Variants in CYP3A43 observed in about 807,000 individuals in gnomAD.
CYP3A43 encodes cytochrome P450 family 3 subfamily A member 43, also known as cytochrome P450 3A43.
A neutral mutation model predicts 58.0 loss-of-function variants in CYP3A43; 45 were observed. The ratio of observed to expected loss-of-function variants is 0.78; its 90% CI spans 0.61 to 0.99. The LOEUF (loss-of-function observed/expected upper bound fraction) is 0.99, where lower values mean the gene tolerates loss of function less well. CYP3A43 is among the 50% of genes least tolerant of loss of function. The probability of loss-of-function intolerance (pLI) is 0.00; values close to 1 mark genes in which losing one functional copy is unlikely to be tolerated. For synonymous variants in CYP3A43, 191 were observed against 201.4 expected (o/e 0.95, Z 0.44); for missense variants, 593 against 591.9 (o/e 1.00, Z -0.02).
At chr7:99,847,842 A>G (rs1006925600) in intron 5 of CYP3A43, 1 of 532,902 alleles carries the variant, frequency 1.9e-6, no homozygotes, top group South Asian at 2.0e-5. Context: ...TGAAACCCCA[A>G]CTCTACTAAA....
At chr7:99,860,609 T>TTCTTTA (rs1205008885) in intron 10 of CYP3A43, among the ~76,000 whole-genome samples, 1 of 152,234 alleles carries the variant, frequency 6.6e-6, no homozygotes, top group African/African-American at 2.4e-5. Context: ...AGATCTGGCC[T>TTCTTTA]TGGGGCTGGC....
At chr7:99,861,564 A>T (rs749860560) in intron 10 of CYP3A43, 49 bp from the exon 11 acceptor site, 8 of 1,545,962 alleles carry the variant, frequency 5.2e-6, no homozygotes, top group Non-Finnish European at 7.1e-6. Context: ...ACTAAGTTGA[A>T]AGTTAATTCC....
At chr7:99,838,920 C>A (rs1584204835) in intron 2 of CYP3A43, 200 bp from the exon 3 acceptor site, 1 of 636,072 alleles carries the variant, frequency 1.6e-6, no homozygotes, top group East Asian at 3.1e-5. Flanking sequence ...GCAGAGGTTG[C>A]AATGAGCCAA....
At chr7:99,862,742 T>G (rs768779718) in intron 11 of CYP3A43, among the ~76,000 whole-genome samples, 2 of 152,230 alleles carry the variant, frequency 1.3e-5, no homozygotes, top group African/African-American at 2.4e-5. Flanking sequence ...AACTTCCCAA[T>G]GGCAGGGACC....
intron 7 of CYP3A43, 136 bp from the exon 8 acceptor site, chr7:99,855,455 G>C: frequency 8.5e-7 from 1 of 1,171,952 alleles, no homozygotes. Flanking sequence ...AGGAAGAGGG[G>C]CAAAGGTCAT....
In CYP3A43 at chr7:99,843,179, G is replaced by A. The variant is rs1199025284; in HGVS notation, c.219-964G>A. 2.6e-5 allele frequency among the ~76,000 whole-genome samples: 4 copies of A among 152,004 alleles called. No homozygotes were observed. In the East Asian group the frequency reaches 7.7e-4, roughly 29 times the overall value. On this transcript the variant is annotated intron_variant, in intron 3 of 12. Transcript: ENST00000354829. Reference sequence around the variant, plus strand: ...GCAGATTTGCTGAGCACTTCTCAGAGCCTCACAAGAATGTGACCATTTGCC... The same window carrying A: ...GCAGATTTGCTGAGCACTTCTCAGAACCTCACAAGAATGTGACCATTTGCC...
intron 5 of CYP3A43, chr7:99,847,935 C>G: frequency 1.8e-6 from 1 of 557,772 alleles, no homozygotes. Flanking sequence ...TTGTTTGAAT[C>G]TAGAGGCGGA....
intron 1 of CYP3A43, among the ~76,000 whole-genome samples, chr7:99,832,218 A>AT (rs1816871870): frequency 6.6e-6 from 1 of 151,726 alleles, no homozygotes; most frequent in Non-Finnish European, 1.5e-5. Context: ...GGATGTAGTG[A>AT]TACACAAACT....
intron 8 of CYP3A43, 144 bp from the exon 9 acceptor site, chr7:99,856,689 C>T: frequency 2.6e-6 from 2 of 755,350 alleles, no homozygotes; most frequent in Non-Finnish European, 4.5e-6. Context: ...TTATTCTAAA[C>T]ATTGGTGACT....
At chr7:99,863,297 C>T (rs1818314013) in intron 11 of CYP3A43, among the ~76,000 whole-genome samples, 1 of 152,140 alleles carries the variant, frequency 6.6e-6, no homozygotes, top group South Asian at 2.1e-4. Flanking sequence ...TATCACTTTC[C>T]TCCATCAAAA....
intron 7 of CYP3A43, among the ~76,000 whole-genome samples, chr7:99,854,530 T>C (rs1012366602): frequency 6.6e-6 from 1 of 152,126 alleles, no homozygotes; most frequent in African/African-American, 2.4e-5. Context: ...GAACCAATTT[T>C]TGGTTTTCTT....
At chr7:99,861,890 A>G (rs1344133655) in intron 11 of CYP3A43, 51 bp downstream of exon 11, 1 of 1,508,326 alleles carries the variant, frequency 6.6e-7, no homozygotes, top group Non-Finnish European at 9.1e-7. Flanking sequence ...TGATTCAAGT[A>G]TATTCTGCCT....
chr7:99,865,822 C>A, intron 12 of CYP3A43, 84 bp from the exon 13 acceptor site: 8 of 949,794 alleles, frequency 8.4e-6, no homozygotes, highest in East Asian at 2.6e-5. Flanking sequence ...AAAGCATTAC[C>A]CTTGATGTCA....
rs190939008 is a variant in CYP3A43, at chr7:99,840,479, T to G, written c.218+1307T>G. 1.3e-3 allele frequency among the ~76,000 whole-genome samples: 199 copies of G among 152,332 alleles called. 1 individual carries two copies. The highest frequency in any genetic ancestry group is 4.5e-3 in the African/African-American group (187 of 41,578). ...TCTACTCTTTCTTTTCACATGTATA[T>G]CTCATGTAAAATGTAGATTTTCTGA... On this transcript the variant is annotated intron_variant, in intron 3 of 12. Transcript: ENST00000354829.
chr7:99,847,644 A>G (rs1191300268), intron 5 of CYP3A43, 43 bp downstream of exon 5: 1 of 1,608,818 alleles, frequency 6.2e-7, no homozygotes, highest in South Asian at 1.1e-5. Context: ...TTAAAGGATG[A>G]ATCTGGAGAC....
At chr7:99,849,976 T>TA in intron 7 of CYP3A43, 2 of 462,114 alleles carry the variant, frequency 4.3e-6, no homozygotes, top group Admixed American at 2.5e-5. Flanking sequence ...TTTTTTTTTT[T>TA]AGACAGAGTC....
At position 99,855,635 on chromosome 7, in the gene CYP3A43, G is replaced by C. The variant is rs150984481; in HGVS notation, c.715G>C (p.Gly239Arg). Residue 239 changes from glycine (G) to arginine (R), a missense_variant, in exon 8 of 13, where the codon GGT (glycine) becomes CGT (arginine). By Grantham distance (125) the Gly-to-Arg change is moderately radical. Transcript: ENST00000354829. ...LTPVFEALNI[G>R]LFPKDVTHFL... is the part of the protein sequence containing the mutation. The stretch of plus-strand genomic sequence containing the variant: ...CCCAGTTTTTGAAGCCCTAAATATC[G>C]GTTTGTTTCCAAAAGATGTTACCCA... 3 of 1,613,074 alleles carry C rather than the reference G, an allele frequency of 1.9e-6. No homozygotes were observed. Among genetic ancestry groups the C allele is most frequent in the South Asian group, 1.1e-5 (1 of 90,834 alleles).
intron 9 of CYP3A43, among the ~76,000 whole-genome samples, chr7:99,857,350 T>G (rs2151620638): frequency 6.6e-6 from 1 of 152,326 alleles, no homozygotes; most frequent in South Asian, 2.1e-4. Flanking sequence ...GAAAAGTAAC[T>G]GTGAGAAAAC....
At chr7:99,844,353 T>C in intron 4 of CYP3A43, 111 bp downstream of exon 4, 1 of 969,090 alleles carries the variant, frequency 1.0e-6, no homozygotes, top group South Asian at 1.5e-5. Context: ...CTTCGTCCTA[T>C]TTCCCCCAAT....
Sources: allele counts gnomAD v4.1 joint callset (sites outside exome capture counted in the v4.1 genomes callset), GRCh38; gene constraint gnomAD v4.1.1; transcripts MANE v1.5; gene names NCBI Gene and HGNC (gene_info 2026-07-23, HGNC 2026-07-21).